The following TUBA1C variants were observed in gnomAD, a reference collection of about 807,000 sequenced individuals.
The protein encoded by TUBA1C is tubulin alpha-1C chain.
A neutral mutation model predicts 34.9 loss-of-function variants in TUBA1C; 16 were observed. That is an observed-to-expected ratio of 0.46 (90% CI 0.31 to 0.70). The LOEUF (loss-of-function observed/expected upper bound fraction) is 0.70. TUBA1C is among the 30% of genes least tolerant of loss of function. The probability of loss-of-function intolerance (pLI) is 0.05; values close to 1 mark genes in which losing one functional copy is unlikely to be tolerated. For missense variants in TUBA1C, 329 were observed against 587.3 expected, an observed-to-expected ratio of 0.56 and a Z score of 4.55; for synonymous variants, 177 against 215.9, an observed-to-expected ratio of 0.82 and a Z score of 1.58.
chr12:49,228,172 G>A (rs1232808085), intron 1 of TUBA1C: 2 of 1,535,516 alleles, frequency 1.3e-6, no homozygotes, highest in Non-Finnish European at 1.7e-6. Context: ...CAAAGGTAAG[G>A]CTGTAATAGT....
At chr12:49,239,301 A>C (rs1265280415) in intron 1 of TUBA1C, among the ~76,000 whole-genome samples, 1 of 152,176 alleles carries the variant, frequency 6.6e-6, no homozygotes, top group Admixed American at 6.5e-5. Context: ...GGAATAGTGG[A>C]GGAAAACCAA....
chr12:49,251,839 G>A (rs767897432), intron 1 of TUBA1C, among the ~76,000 whole-genome samples: 1 of 151,234 alleles, frequency 6.6e-6, no homozygotes, highest in Non-Finnish European at 1.5e-5. Flanking sequence ...ATGCATGGTT[G>A]GTTTAAATTC....
intron 1 of TUBA1C, among the ~76,000 whole-genome samples, chr12:49,267,206 C>A (rs12310093): frequency 6.6e-6 from 1 of 152,240 alleles, no homozygotes; most frequent in South Asian, 2.1e-4. Flanking sequence ...AGAAAAATTG[C>A]GGGCGCAAAA....
chr12:49,269,026 A>G (rs180671808), intron 1 of TUBA1C, among the ~76,000 whole-genome samples: 1 of 152,322 alleles, frequency 6.6e-6, no homozygotes, highest in Non-Finnish European at 1.5e-5. Context: ...TGCTTTTGAA[A>G]TTATAGTCCC....
intron 3 of TUBA1C, 38 bp downstream of exon 3, chr12:49,270,014 T>A: frequency 6.2e-7 from 1 of 1,614,242 alleles, no homozygotes; most frequent in Non-Finnish European, 8.5e-7. Flanking sequence ...GATGAGAGTT[T>A]CTTTTGCAGT....
At chr12:49,271,442 G>A (rs949760572) in intron 3 of TUBA1C, among the ~76,000 whole-genome samples, 62 of 152,146 alleles carry the variant, frequency 4.1e-4, no homozygotes, top group African/African-American at 1.4e-3. Context: ...AAATAAATGG[G>A]CTTCTTGGTA....
At position 49,273,450 on chromosome 12, in the gene TUBA1C, A is replaced by G. The variant is rs1943023249; in HGVS notation, c.*223A>G. On this transcript the variant is annotated 3_prime_UTR_variant, in exon 4 of 4. Coordinates refer to ENST00000301072, the MANE Select transcript of TUBA1C (RefSeq NM_032704.5). ...ACCCAGGCTGGAGTGCAGTGGCATG[A>G]TAATACATAGCTCATTGCAGCCTCG... 1.4e-6 allele frequency: 1 copy of G among 719,484 alleles called. No homozygotes were observed. The highest frequency in any genetic ancestry group is 2.3e-6 in the Non-Finnish European group (1 of 443,224). 44.6% of individuals were successfully genotyped at this position (719,484 alleles called of 1,614,324 possible).
chr12:49,234,110 A>C (rs1942525465), intron 1 of TUBA1C: 2 of 152,414 alleles, frequency 1.3e-5, no homozygotes, highest in Non-Finnish European at 2.9e-5. Flanking sequence ...GGAGAGGAGG[A>C]GGGACCTAGA....
At chr12:49,238,588 A>G (rs1196707104) in intron 1 of TUBA1C, among the ~76,000 whole-genome samples, 1 of 152,204 alleles carries the variant, frequency 6.6e-6, no homozygotes, top group Non-Finnish European at 1.5e-5. Context: ...ATTTGCTAGA[A>G]TGGCTCACAC....
intron 1 of TUBA1C, among the ~76,000 whole-genome samples, chr12:49,259,035 A>G (rs1238609041): frequency 1.3e-5 from 2 of 152,174 alleles, no homozygotes; most frequent in South Asian, 2.1e-4. Flanking sequence ...CTGGGATTAC[A>G]GGTGTGAGCC....
chr12:49,248,414 C>G (rs60522594), intron 1 of TUBA1C, among the ~76,000 whole-genome samples: 2,283 of 149,062 alleles, frequency 0.015, 52 homozygotes, highest in African/African-American at 0.053. Flanking sequence ...ACAAAAAATA[C>G]AAAAATTAGC....
chr12:49,262,424 T>C (rs1051546306), upstream of TUBA1C, among the ~76,000 whole-genome samples: 2 of 126,888 alleles, frequency 1.6e-5, no homozygotes, highest in Admixed American at 8.0e-5. Flanking sequence ...AAAAAAAAAG[T>C]TTTATAGCAA....
At chr12:49,252,223 A>G (rs115506055) in intron 1 of TUBA1C, among the ~76,000 whole-genome samples, 1 of 152,200 alleles carries the variant, frequency 6.6e-6, no homozygotes, top group African/African-American at 2.4e-5. Context: ...GGCATTAACC[A>G]GTTTTGTATC....
intron 1 of TUBA1C, among the ~76,000 whole-genome samples, chr12:49,239,831 A>G (rs1475371093): frequency 6.6e-6 from 1 of 152,000 alleles, no homozygotes; most frequent in East Asian, 1.9e-4. Flanking sequence ...AGCACTGAAT[A>G]TTGGCATTAA....
intron 1 of TUBA1C, among the ~76,000 whole-genome samples, chr12:49,231,717 C>CAGACAGATAGATAGATAGATAGAT (rs1411016546): frequency 2.6e-5 from 4 of 151,270 alleles, no homozygotes; most frequent in African/African-American, 9.8e-5. Context: ...GACAGACAGA[C>CAGACAGATAGATAGATAGATAGAT]AGATAGATAG....
At chr12:49,237,829 C>CA (rs1942573132) in intron 1 of TUBA1C, among the ~76,000 whole-genome samples, 1 of 151,060 alleles carries the variant, frequency 6.6e-6, no homozygotes, top group Non-Finnish European at 1.5e-5. Flanking sequence ...AGGGAAGAAA[C>CA]CAGGTGCAGT....
chr12:49,262,518 G>A (rs1380275605), upstream of TUBA1C, among the ~76,000 whole-genome samples: 1 of 150,170 alleles, frequency 6.7e-6, no homozygotes, highest in Non-Finnish European at 1.5e-5. Flanking sequence ...ACTGGCTCAT[G>A]CCTGTAATCG....
At chr12:49,260,033 C>T (rs2137010457) in intron 1 of TUBA1C, among the ~76,000 whole-genome samples, 1 of 152,234 alleles carries the variant, frequency 6.6e-6, no homozygotes, top group African/African-American at 2.4e-5. Flanking sequence ...TTTTTCAGTA[C>T]ATGAATAAAT....
upstream of TUBA1C, among the ~76,000 whole-genome samples, chr12:49,261,169 G>A (rs1277245223): frequency 6.6e-6 from 1 of 151,934 alleles, no homozygotes; most frequent in Non-Finnish European, 1.5e-5. Flanking sequence ...GGGCTCAGTG[G>A]CGCTGAGCCA....
Sources: gnomAD v4.1 joint callset for allele counts (sites outside exome capture counted in the v4.1 genomes callset) on GRCh38, gnomAD v4.1.1 for gene constraint, MANE v1.5 for transcripts, NCBI Gene and HGNC (gene_info 2026-07-23, HGNC 2026-07-21) for gene names.